Variants in SCGB2A1 observed in about 807,000 individuals in gnomAD.
The protein encoded by SCGB2A1 is secretoglobin family 2A member 1, also known as mammaglobin-B.
A neutral mutation model predicts 9.2 loss-of-function variants in SCGB2A1; 6 were observed. The ratio of observed to expected loss-of-function variants is 0.66; its 90% confidence interval spans 0.36 to 1.29. The LOEUF (loss-of-function observed/expected upper bound fraction) is 1.29, where lower values mean the gene tolerates loss of function less well. Ranked by LOEUF, SCGB2A1 falls within the 50% of genes most tolerant of loss-of-function variation. The pLI is 0.03. For missense variants in SCGB2A1, 138 were observed against 116.9 expected (o/e 1.18, Z -0.83); for synonymous variants, 37 against 41.0 (o/e 0.90, Z 0.37).
At chr11:62,212,120 A>C (rs766117405) in intron 2 of SCGB2A1, among the ~76,000 whole-genome samples, 1 of 150,752 alleles carries the variant, frequency 6.6e-6, no homozygotes, top group South Asian at 2.1e-4. Flanking sequence ...ATGGGGTTTC[A>C]CCATGTTGGC....
chr11:62,210,671 C>T, intron 2 of SCGB2A1, 71 bp downstream of exon 2: 1 of 1,147,438 alleles, frequency 8.7e-7, no homozygotes, highest in Middle Eastern at 2.4e-4. Flanking sequence ...AAATTTGGCA[C>T]CAAGAATGCC....
chr11:62,212,987 TAC>T (rs1565121347), intron 2 of SCGB2A1, among the ~76,000 whole-genome samples: 4 of 143,130 alleles, frequency 2.8e-5, no homozygotes, highest in African/African-American at 8.4e-5. Context: ...TGTGCACATA[TAC>T]ATGCATATAT....
At chr11:62,213,019 T>TAC (rs1554985856) in intron 2 of SCGB2A1, among the ~76,000 whole-genome samples, 1 of 140,144 alleles carries the variant, frequency 7.1e-6, no homozygotes, top group African/African-American at 2.8e-5. Context: ...TATGCACATA[T>TAC]ATACATATAT....
chr11:62,210,500 A>G lies in SCGB2A1; in HGVS notation c.143A>G (p.Glu48Gly). 1.3e-6 allele frequency: 2 copies of G among 1,598,906 alleles called. No homozygotes were observed. The highest frequency in any genetic ancestry group is 1.7e-6 in the Non-Finnish European group (2 of 1,174,782). ...SIPEYKELLQ[E>G]FIDSDAAAEA... The stretch of plus-strand genomic sequence containing the variant: ...CCTGAATACAAAGAGCTTCTTCAAG[A>G]GTTCATAGACAGTGATGCCGCTGCA... The change falls in exon 2 of 3, where the codon GAG becomes GGG. Residue 48 changes from glutamate (E) to glycine (G), a missense_variant. Glu to Gly is a moderately conservative substitution (Grantham distance 98). Transcript: ENST00000244930.
Position 62,213,895 on chromosome 11 carries a change from A to C in SCGB2A1, c.*125A>C. 1.5e-6 allele frequency: 1 copy of C among 686,544 alleles called. No homozygotes were observed. The highest frequency in any genetic ancestry group is 2.5e-6 in the Non-Finnish European group (1 of 404,634). The allele number at this position is 686,544 out of a possible 1,614,324, so 42.5% of individuals were successfully genotyped here. On this transcript the variant is annotated 3_prime_UTR_variant, in exon 3 of 3. Coordinates refer to ENST00000244930, the MANE Select transcript of SCGB2A1 (RefSeq NM_002407.3). The stretch of plus-strand genomic sequence containing the variant: ...GTGGAAACTGCTAGACAACTGTTGA[A>C]ACCTCAAATTCATTTCCATTTCAAT...
chr11:62,211,160 G>A (rs937237949), intron 2 of SCGB2A1, among the ~76,000 whole-genome samples: 1 of 152,050 alleles, frequency 6.6e-6, no homozygotes, highest in African/African-American at 2.4e-5. Context: ...CTAACCTCAA[G>A]TGATCTGCCT....
intron 2 of SCGB2A1, among the ~76,000 whole-genome samples, chr11:62,211,925 T>G (rs1204101022): frequency 1.3e-5 from 2 of 152,052 alleles, no homozygotes; most frequent in Non-Finnish European, 1.5e-5. Flanking sequence ...TTGTTTTTTG[T>G]TTTTCGTTTT....
chr11:62,211,076 A>G (rs1296622508), intron 2 of SCGB2A1, among the ~76,000 whole-genome samples: 1 of 151,910 alleles, frequency 6.6e-6, no homozygotes, highest in Non-Finnish European at 1.5e-5. Context: ...GGTGTGCGCC[A>G]CCACGCCGGG....
rs1406935402 is a variant in SCGB2A1 at position 62,208,711 on chromosome 11, AC to A, written c.-20del. The A allele has an allele frequency of 4.2e-5, 67 of 1,613,312 alleles. No homozygotes were observed. Among genetic ancestry groups the A allele is most frequent in the Non-Finnish European group, 5.5e-5 (65 of 1,179,772 alleles). ...TGATCCCTGCCACGCACGACTGAAC[AC>A]AGACAGCAGCCGCCTCGCCATGAAG... On this transcript the variant is annotated 5_prime_UTR_variant, in exon 1 of 3. Coordinates refer to ENST00000244930, the MANE Select transcript of SCGB2A1 (RefSeq NM_002407.3).
Position 62,213,244 on chromosome 11 carries a change from A to G in SCGB2A1, c.244-482A>G, listed in dbSNP as rs540698533. Among the ~76,000 whole-genome samples, 227 of 151,904 alleles carry G rather than the reference A, an allele frequency of 1.5e-3. 1 individual carries two copies. Among genetic ancestry groups the G allele is most frequent in the Non-Finnish European group, 2.5e-3 (169 of 67,950 alleles). The stretch of plus-strand genomic sequence containing the variant: ...AGCCATCCCACCCAGCCCAGCTCCA[A>G]TATTTCATAGGCCTCAAAGGTAATG... On this transcript the variant is annotated intron_variant, in intron 2 of 2. Transcript: ENST00000244930.
chr11:62,213,051 CACATATAT>C (rs1360821348), intron 2 of SCGB2A1, among the ~76,000 whole-genome samples: 1,994 of 76,500 alleles, frequency 0.026, 82 homozygotes, highest in African/African-American at 0.078. Flanking sequence ...TACATATATA[CACATATAT>C]ACACATATAT....
chr11:62,210,383 T>G, intron 1 of SCGB2A1, 30 bp from the exon 2 acceptor site: 2 of 1,496,984 alleles, frequency 1.3e-6, no homozygotes, highest in Non-Finnish European at 1.8e-6. Context: ...CATGTTCTTG[T>G]GTCTTTTTTT....
rs770761081 is a variant in SCGB2A1, at chr11:62,208,756, C to T, written c.25C>T (p.Leu9=). The T allele has an allele frequency of 6.2e-7, 1 of 1,613,602 alleles. No individual in the cohort carries two copies. The highest frequency in any genetic ancestry group is 1.1e-5 in the South Asian group (1 of 91,078). ...CATGAAGCTGCTGATGGTCCTCATG[C>T]TGGCGGCCCTCCTCCTGCACTGCTA... MKLLMVLM[L]AALLLHCYAD... The change falls in exon 1 of 3, where the codon CTG becomes TTG. Residue 9 remains leucine, a synonymous_variant. Coordinates refer to ENST00000244930, the MANE Select transcript of SCGB2A1 (RefSeq NM_002407.3).
chr11:62,210,153 T>C (rs1255310855), intron 1 of SCGB2A1, among the ~76,000 whole-genome samples: 1 of 152,106 alleles, frequency 6.6e-6, no homozygotes, highest in African/African-American at 2.4e-5. Flanking sequence ...TCAGAACACC[T>C]CATTTCTCGA....
At chr11:62,210,277 C>T (rs1260746223) in intron 1 of SCGB2A1, 136 bp from the exon 2 acceptor site, 1 of 1,103,192 alleles carries the variant, frequency 9.1e-7, no homozygotes, top group Non-Finnish European at 1.2e-6. Flanking sequence ...GCATACTGCA[C>T]CAAAATCTTT....
At chr11:62,209,635 ATGTGTGTGTGTGTGTGTG>A (rs60357410) in intron 1 of SCGB2A1, among the ~76,000 whole-genome samples, 12 of 142,202 alleles carry the variant, frequency 8.4e-5, no homozygotes, top group Admixed American at 3.5e-4. Flanking sequence ...TTTCACATTC[ATGTGTGTGTGTGTGTGTG>A]TGTGTGTGTG....
chr11:62,211,612 C>A (rs1399024773), intron 2 of SCGB2A1, among the ~76,000 whole-genome samples: 4 of 152,160 alleles, frequency 2.6e-5, no homozygotes, highest in African/African-American at 9.7e-5. Context: ...GTTGGCCAGG[C>A]TGGTCTTGAA....
At chr11:62,210,258 G>A (rs1944817846) in intron 1 of SCGB2A1, among the ~76,000 whole-genome samples, 155 bp from the exon 2 acceptor site, 1 of 152,154 alleles carries the variant, frequency 6.6e-6, no homozygotes. Context: ...TCCCAGAATT[G>A]AGAACTCTGC....
chr11:62,211,535 G>A (rs1274661212), intron 2 of SCGB2A1, among the ~76,000 whole-genome samples: 3 of 152,030 alleles, frequency 2.0e-5, no homozygotes, highest in East Asian at 3.9e-4. Context: ...AGGTAGCTGG[G>A]ACTACAGGCA....
Sources: gnomAD v4.1 joint callset for allele counts (sites outside exome capture counted in the v4.1 genomes callset) on GRCh38, gnomAD v4.1.1 for gene constraint, MANE v1.5 for transcripts, NCBI Gene and HGNC (gene_info 2026-07-23, HGNC 2026-07-21) for gene names.